ZNF195: variants seen among roughly 807,000 people sequenced by gnomAD.
ZNF195 encodes the protein zinc finger protein 195, also known as hypoxia-regulated factor-1.
Under a neutral mutation model 19.5 loss-of-function variants are expected in ZNF195, and 11 were observed. That is an observed-to-expected ratio of 0.57 (90% CI 0.36 to 0.94). The LOEUF is 0.94. Among genes scored for constraint, ZNF195 ranks in the 40% least tolerant of loss-of-function variants. ZNF195 has a pLI of 0.01. For missense variants in ZNF195, 582 were observed against 709.0 expected, an observed-to-expected ratio of 0.82 and a Z score of 2.03; for synonymous variants, 214 against 248.1, an observed-to-expected ratio of 0.86 and a Z score of 1.29.
rs1427093377 is a variant in ZNF195, at chr11:3,371,019, T to C, written c.182A>G (p.Glu61Gly). The C allele has an allele frequency of 6.2e-7, 1 of 1,614,154 alleles. No homozygotes were observed. The highest frequency in any genetic ancestry group is 1.1e-5 in the South Asian group (1 of 91,078). Residue 61 changes from glutamate (E) to glycine (G), a missense_variant, in exon 3 of 6, where the codon GAG becomes GGG. This residue lies in a region of ZNF195 where 129 missense variants were observed against 112.1 expected (regional missense o/e 1.15). Transcript: ENST00000399602. ...CTCCTGTCTCTTCACATTCCAGGGCTCTTTTCGTTGCTCCAGGCAGGTGAT... is the reference window on the plus strand; with the variant it reads ...CTCCTGTCTCTTCACATTCCAGGGCCCTTTTCGTTGCTCCAGGCAGGTGAT... ...GLITCLEQRK[E>G]PWNVKRQEAA...
chr11:3,372,363 A>T (rs919291952), intron 1 of ZNF195, among the ~76,000 whole-genome samples: 2 of 152,380 alleles, frequency 1.3e-5, no homozygotes, highest in South Asian at 2.1e-4. Flanking sequence ...AAACTCCACA[A>T]TGGAAAATCT....
chr11:3,371,449 T>C (rs542196134), intron 2 of ZNF195, 128 bp downstream of exon 2: 2 of 1,244,818 alleles, frequency 1.6e-6, no homozygotes, highest in South Asian at 1.4e-5. Flanking sequence ...CTATTCCCCA[T>C]GTTTTTCTTA....
chr11:3,370,336 G>C (rs1418569078), intron 3 of ZNF195, among the ~76,000 whole-genome samples: 1 of 152,034 alleles, frequency 6.6e-6, no homozygotes, highest in East Asian at 1.9e-4. Flanking sequence ...TTACAGTTGG[G>C]AGTTAGGGAA....
At chr11:3,378,218 G>A (rs571062408) in intron 1 of ZNF195, among the ~76,000 whole-genome samples, 6 of 152,166 alleles carry the variant, frequency 3.9e-5, no homozygotes, top group African/African-American at 1.4e-4. Context: ...GCTGAGGCAG[G>A]AGAATTGATT....
At chr11:3,361,927 T>G (rs1410894692) in intron 3 of ZNF195, 38 bp from the exon 4 acceptor site, 1 of 413,816 alleles carries the variant, frequency 2.4e-6, no homozygotes, top group African/African-American at 2.1e-5. Context: ...TGTATGCTGT[T>G]GCACACTTGT....
chr11:3,371,088 A>G lies in ZNF195; in HGVS notation c.131-18T>C, dbSNP rs750795590. On this transcript the variant is annotated intron_variant, in intron 2 of 5. Transcript: ENST00000399602. ...AGTGAGACCTGTTTTATTAGAAAAAAGTGACATTACTCTTGCTGAAATTCT... is the reference window on the plus strand; with the variant it reads ...AGTGAGACCTGTTTTATTAGAAAAAGGTGACATTACTCTTGCTGAAATTCT... 3.7e-6 allele frequency: 6 copies of G among 1,610,302 alleles called. No individual in the cohort carries two copies. Among genetic ancestry groups the G allele is most frequent in the Admixed American group, 1.7e-5 (1 of 59,928 alleles).
intron 3 of ZNF195, among the ~76,000 whole-genome samples, chr11:3,366,269 A>G (rs1285202253): frequency 5.6e-5 from 8 of 141,798 alleles, no homozygotes; most frequent in Admixed American, 5.4e-4. Flanking sequence ...ATCTCAAAAA[A>G]AAAAAAAAAA....
chr11:3,362,765 C>T (rs1291149511), intron 3 of ZNF195: 1 of 329,858 alleles, frequency 3.0e-6, no homozygotes, highest in East Asian at 4.2e-5. Context: ...TATTTAGGAA[C>T]TAAACTACTC....
In ZNF195 at chr11:3,371,609, A is replaced by T; in HGVS notation, c.98T>A (p.Met33Lys). Residue 33 changes from methionine to lysine, a missense_variant, in exon 2 of 6, where the codon ATG becomes AAG. Physicochemically the swap from Met to Lys is moderately conservative, Grantham distance 95 (BLOSUM62 -1). Around this residue, in one of 3 missense-constraint regions of ZNF195, gnomAD observed 46 missense variants for 66.5 expected, o/e 0.69. Transcript: ENST00000399602. Reference sequence around the variant, plus strand: ...GAACAAGTTTCTGTAGTTCTCCAACATCACATCCCTGTACAAATTCTGCTG... The same window carrying T: ...GAACAAGTTTCTGTAGTTCTCCAACTTCACATCCCTGTACAAATTCTGCTG... ...LAQQNLYRDV[M>K]LENYRNLFSV... 1.2e-6 allele frequency: 2 copies of T among 1,614,178 alleles called. No individual in the cohort carries two copies. Among genetic ancestry groups the T allele is most frequent in the Non-Finnish European group, 1.7e-6 (2 of 1,179,998 alleles).
intron 3 of ZNF195, among the ~76,000 whole-genome samples, chr11:3,365,579 A>G (rs1405458434): frequency 6.6e-6 from 1 of 152,262 alleles, no homozygotes; most frequent in African/African-American, 2.4e-5. Context: ...TAATGTACAC[A>G]TTCAATGTAA....
In ZNF195 at chr11:3,371,014, AG is replaced by A; in HGVS notation, c.186del (p.Trp63GlyfsTer3). The A allele has an allele frequency of 6.2e-7, 1 of 1,614,072 alleles. No individual in the cohort carries two copies. The highest frequency in any genetic ancestry group is 8.5e-7 in the Non-Finnish European group (1 of 1,179,984). On this transcript the variant is annotated frameshift_variant, in exon 3 of 6. Transcript: ENST00000399602. LOFTEE classifies it high-confidence loss of function. Reference sequence around the variant, plus strand: ...GCTGCCTCCTGTCTCTTCACATTCCAGGGCTCTTTTCGTTGCTCCAGGCAGG... The same window carrying A: ...GCTGCCTCCTGTCTCTTCACATTCCAGGCTCTTTTCGTTGCTCCAGGCAGG... ...LITCLEQRKE[P>X]WNVKRQEAAD...
At chr11:3,361,131 C>T (rs1392333774) in intron 4 of ZNF195, among the ~76,000 whole-genome samples, 2 of 151,826 alleles carry the variant, frequency 1.3e-5, no homozygotes, top group African/African-American at 4.9e-5. Context: ...CAGGGCACTA[C>T]AAAGAAAGCT....
At chr11:3,362,087 G>A (rs1848663199) in intron 3 of ZNF195, 198 bp from the exon 4 acceptor site, 1 of 420,566 alleles carries the variant, frequency 2.4e-6, no homozygotes, top group Admixed American at 2.6e-5. Flanking sequence ...AAGCAAGAAG[G>A]GAATTGGATG....
intron 3 of ZNF195, among the ~76,000 whole-genome samples, chr11:3,370,485 A>G (rs1849148561): frequency 6.6e-6 from 1 of 152,184 alleles, no homozygotes; most frequent in African/African-American, 2.4e-5. Flanking sequence ...ATTTCTGTAG[A>G]CTCCCATTTG....
Position 3,370,551 on chromosome 11 carries a change from G to C in ZNF195, c.226+424C>G, listed in dbSNP as rs183478695. Among the ~76,000 whole-genome samples, 4 of 152,274 alleles carry C rather than the reference G, an allele frequency of 2.6e-5. No homozygotes were observed. The East Asian group carries it at 7.7e-4, about 29-fold the overall frequency. On this transcript the variant is annotated intron_variant, in intron 3 of 5. Transcript: ENST00000399602. ...AGAAAGCATACAACATCTGTTTACG[G>C]GACTTCTGGGATTTCTGAACCAATC... is the stretch of plus-strand genomic sequence containing the variant.
At chr11:3,377,580 G>A (rs1340508262) in intron 1 of ZNF195, 1 of 1,109,448 alleles carries the variant, frequency 9.0e-7, no homozygotes, top group Non-Finnish European at 1.1e-6. Context: ...TGAAAGTTGG[G>A]TTGGGTGAAG....
In ZNF195 at chr11:3,360,726, A is replaced by G. The variant is rs369496669; in HGVS notation, c.436T>C (p.Ser146Pro). ...KWFLEFRCIF[S>P]LAMSSHFTQD... ...CATATAAATGTAACAATACCTAGTG[A>G]GAAGATGCATCTGAACTCTAAAAAC... The change falls in exon 5 of 6, where the codon TCA becomes CCA. Residue 146 changes from serine to proline, a missense_variant. Around this residue, in one of 3 missense-constraint regions of ZNF195, gnomAD observed 129 missense variants for 112.1 expected, o/e 1.15. Coordinates refer to ENST00000399602, the MANE Select transcript of ZNF195 (RefSeq NM_001130520.3). The G allele has an allele frequency of 1.7e-4, 265 of 1,551,668 alleles. No individual in the cohort carries two copies. The African/African-American group carries it at 3.3e-3, about 19-fold the overall frequency.
chr11:3,375,535 G>C (rs1336202432), intron 1 of ZNF195: 2 of 152,150 alleles, frequency 1.3e-5, no homozygotes, highest in African/African-American at 4.8e-5. Flanking sequence ...TGAAGCAGAA[G>C]TCCCTTTGAC....
At chr11:3,363,488 A>G (rs1435384253) in intron 3 of ZNF195, 1 of 152,206 alleles carries the variant, frequency 6.6e-6, no homozygotes, top group Non-Finnish European at 1.5e-5. Flanking sequence ...GGAAATAACA[A>G]AGAAAAACAA....
Sources: allele counts gnomAD v4.1 joint callset (sites outside exome capture counted in the v4.1 genomes callset), GRCh38; gene constraint gnomAD v4.1.1; regional missense constraint gnomAD v4.1.1; transcripts MANE v1.5; gene names NCBI Gene and HGNC (gene_info 2026-07-23, HGNC 2026-07-21).